RHOU: variants seen among roughly 807,000 people sequenced by gnomAD.
The protein encoded by RHOU is rho-related GTP-binding protein RhoU.
In RHOU, 8 loss-of-function variants were observed where a neutral mutation model predicts 12.6. The ratio of observed to expected loss-of-function variants is 0.64; its 90% CI spans 0.37 to 1.15. The LOEUF (loss-of-function observed/expected upper bound fraction) is 1.15. Among genes scored for constraint, RHOU ranks in the 50% most tolerant of loss-of-function variants. The pLI is 0.01. For missense variants in RHOU, 258 were observed against 347.0 expected, an observed-to-expected ratio of 0.74 and a Z score of 2.04; for synonymous variants, 161 against 147.4, an observed-to-expected ratio of 1.09 and a Z score of -0.67.
At chr1:228,647,113 G>C in the RHOU span, among the ~76,000 whole-genome samples, 6 of 152,200 alleles carry the variant, frequency 3.9e-5, no homozygotes, top group African/African-American at 1.4e-4. Flanking sequence ...GCCCCCTTTT[G>C]AGCAGTCCGG....
chr1:228,708,942 C>T, the RHOU span, among the ~76,000 whole-genome samples: 3 of 151,576 alleles, frequency 2.0e-5, no homozygotes, highest in African/African-American at 7.3e-5. Context: ...CACATAGGCT[C>T]AAAATAAAAG....
chr1:228,683,572 T>C, the RHOU span, among the ~76,000 whole-genome samples: 9 of 152,128 alleles, frequency 5.9e-5, no homozygotes, highest in African/African-American at 2.2e-4. Flanking sequence ...GAATGTCTAC[T>C]TAAAGAAAAA....
At chr1:228,716,177 C>G in the RHOU span, among the ~76,000 whole-genome samples, 1 of 152,090 alleles carries the variant, frequency 6.6e-6, no homozygotes, top group East Asian at 1.9e-4. Flanking sequence ...ATTGGTCTTC[C>G]AAAGTGTTGG....
the RHOU span, among the ~76,000 whole-genome samples, chr1:228,671,966 C>G: frequency 6.6e-6 from 1 of 152,030 alleles, no homozygotes; most frequent in African/African-American, 2.4e-5. Flanking sequence ...AATGTATACA[C>G]CAAAGAGAAA....
At chr1:228,665,774 T>C in the RHOU span, among the ~76,000 whole-genome samples, 1 of 152,172 alleles carries the variant, frequency 6.6e-6, no homozygotes, top group Non-Finnish European at 1.5e-5. Context: ...ATAATGCCTA[T>C]CCACATTGGT....
At chr1:228,655,350 C>T in the RHOU span, among the ~76,000 whole-genome samples, 1 of 152,184 alleles carries the variant, frequency 6.6e-6, no homozygotes, top group South Asian at 2.1e-4. Flanking sequence ...GATCCACCCA[C>T]CTAGGCCTCC....
At chr1:228,728,661 T>C in the RHOU span, among the ~76,000 whole-genome samples, 1 of 152,344 alleles carries the variant, frequency 6.6e-6, no homozygotes, top group East Asian at 1.9e-4. Flanking sequence ...ATGATTTATA[T>C]GTTTGAATTT....
At chr1:228,655,618 A>G in the RHOU span, among the ~76,000 whole-genome samples, 1 of 152,214 alleles carries the variant, frequency 6.6e-6, no homozygotes, top group Non-Finnish European at 1.5e-5. Flanking sequence ...AAATGTGGCA[A>G]AAAAGGGTTT....
chr1:228,660,321 A>T, the RHOU span, among the ~76,000 whole-genome samples: 2 of 151,774 alleles, frequency 1.3e-5, no homozygotes, highest in Non-Finnish European at 2.9e-5. Flanking sequence ...AGGAGACTGA[A>T]TCAGTAACCA....
the RHOU span, among the ~76,000 whole-genome samples, chr1:228,671,837 G>T: frequency 6.6e-6 from 1 of 151,962 alleles, no homozygotes; most frequent in Non-Finnish European, 1.5e-5. Context: ...TTTGTACCAG[G>T]TATAGTCTTA....
chr1:228,708,338 C>T, the RHOU span, among the ~76,000 whole-genome samples: 3 of 151,656 alleles, frequency 2.0e-5, no homozygotes, highest in East Asian at 5.8e-4. Flanking sequence ...AGAAGAGCAA[C>T]ACCAAGACAC....
At chr1:228,725,458 A>G in the RHOU span, among the ~76,000 whole-genome samples, 1 of 151,852 alleles carries the variant, frequency 6.6e-6, no homozygotes. Context: ...GGGACTAGTG[A>G]TGAGCAACCC....
the RHOU span, among the ~76,000 whole-genome samples, chr1:228,658,277 A>T: frequency 8.4e-6 from 1 of 119,524 alleles, no homozygotes; most frequent in Non-Finnish European, 1.7e-5. Context: ...ATAGAATGAG[A>T]CCCTGTCTCA....
At chr1:228,722,311 A>G in the RHOU span, among the ~76,000 whole-genome samples, 1 of 152,136 alleles carries the variant, frequency 6.6e-6, no homozygotes, top group African/African-American at 2.4e-5. Context: ...TTCCTTTAAC[A>G]AGGGAGTCCT....
chr1:228,677,598 C>A, the RHOU span, among the ~76,000 whole-genome samples: 8 of 151,902 alleles, frequency 5.3e-5, no homozygotes, highest in African/African-American at 1.9e-4. Flanking sequence ...GGATTAGAAA[C>A]GGCTAGGAGA....
At chr1:228,707,626 A>G in the RHOU span, among the ~76,000 whole-genome samples, 3 of 152,264 alleles carry the variant, frequency 2.0e-5, 1 homozygote, top group South Asian at 6.2e-4. Context: ...ACTAGCAAAC[A>G]GAAAGGACAT....
chr1:228,707,249 ATATATAGTGTGTGT>A, the RHOU span, among the ~76,000 whole-genome samples: 229 of 94,704 alleles, frequency 2.4e-3, 1 homozygote, highest in Middle Eastern at 0.034. Context: ...ATATATATAT[ATATATAGTGTGTGT>A]GTGTGTGTGT....
At chr1:228,657,279 C>CAAAAAAAAAAAAAAAAAAAAAACA in the RHOU span, among the ~76,000 whole-genome samples, 1 of 28,032 alleles carries the variant, frequency 3.6e-5, no homozygotes, top group Non-Finnish European at 6.2e-5. Context: ...AACTCCATCT[C>CAAAAAAAAAAAAAAAAAAAAAACA]AAAAAAAAAA....
the RHOU span, among the ~76,000 whole-genome samples, chr1:228,654,877 A>G: frequency 8.8e-4 from 134 of 152,320 alleles, no homozygotes; most frequent in Middle Eastern, 0.01. Flanking sequence ...TTTTTGGTTA[A>G]ATAAGAAAAT....
Sources: gnomAD v4.1 joint callset for allele counts (sites outside exome capture counted in the v4.1 genomes callset) on GRCh38, gnomAD v4.1.1 for gene constraint, MANE v1.5 for transcripts, NCBI Gene and HGNC (gene_info 2026-07-23, HGNC 2026-07-21) for gene names.